TANC2: variants seen among roughly 807,000 people sequenced by gnomAD.
The protein encoded by TANC2 is protein TANC2.
TANC2 carries 26 observed loss-of-function variants against 210.5 expected under a neutral mutation model. That is an observed-to-expected ratio of 0.12 (90% confidence interval 0.09 to 0.17). The LOEUF (loss-of-function observed/expected upper bound fraction) is 0.17. Ranked by LOEUF, TANC2 falls within the 10% of genes least tolerant of loss-of-function variation. The pLI is 1.00. For synonymous variants in TANC2, 931 were observed against 967.1 expected, an observed-to-expected ratio of 0.96 and a Z score of 0.69; for missense variants, 2,129 against 2,608.9, an observed-to-expected ratio of 0.82 and a Z score of 4.01.
At chr17:63,008,855 T>TG (rs940396203) in intron 1 of TANC2, among the ~76,000 whole-genome samples, 7 of 24,522 alleles carry the variant, frequency 2.9e-4, no homozygotes, top group Admixed American at 4.3e-4. Flanking sequence ...TGGTGGGGGG[T>TG]GGGGGGGCGG....
At chr17:63,116,834 A>G (rs1032728276) in intron 4 of TANC2, among the ~76,000 whole-genome samples, 6 of 152,162 alleles carry the variant, frequency 3.9e-5, no homozygotes, top group Non-Finnish European at 5.9e-5. Context: ...TAATTTTAAC[A>G]CTTAATAAAT....
chr17:63,039,139 T>G (rs907954188), intron 2 of TANC2, among the ~76,000 whole-genome samples: 15 of 152,206 alleles, frequency 9.9e-5, no homozygotes, highest in Admixed American at 7.9e-4. Context: ...TGTAAAAAAT[T>G]ACTTTCATAA....
intron 2 of TANC2, among the ~76,000 whole-genome samples, chr17:63,055,590 T>TA (rs1290868312): frequency 6.6e-6 from 1 of 151,930 alleles, no homozygotes; most frequent in African/African-American, 2.4e-5. Flanking sequence ...ATCATGTACA[T>TA]ACATAACTCT....
chr17:63,095,603 G>A (rs887159297), intron 3 of TANC2, among the ~76,000 whole-genome samples: 11 of 152,142 alleles, frequency 7.2e-5, no homozygotes, highest in Admixed American at 4.6e-4. Flanking sequence ...ACACATAGCA[G>A]TGTTCTGAAC....
At chr17:63,043,443 C>A (rs1174737645) in intron 2 of TANC2, among the ~76,000 whole-genome samples, 1 of 152,052 alleles carries the variant, frequency 6.6e-6, no homozygotes, top group Non-Finnish European at 1.5e-5. Flanking sequence ...TTAATTTTCA[C>A]AACCTTGTGG....
At position 63,289,630 on chromosome 17, in the gene TANC2, G is replaced by A. The variant is rs148826202; in HGVS notation, c.1159+21757G>A. On this transcript the variant is annotated intron_variant, in intron 9 of 27. Transcript: ENST00000689528. ...TACTTTATCCATTAGCGCCTTTAAC[G>A]TGTTAATCATAGTTGTTTTAAATTC... Among the ~76,000 whole-genome samples, 619 of 152,090 alleles carry A rather than the reference G, an allele frequency of 4.1e-3. 5 individuals are homozygous for A. Among genetic ancestry groups the A allele is most frequent in the African/African-American group, 0.014 (600 of 41,482 alleles).
At chr17:63,202,992 C>A (rs997008668) in intron 7 of TANC2, among the ~76,000 whole-genome samples, 1 of 152,086 alleles carries the variant, frequency 6.6e-6, no homozygotes, top group Non-Finnish European at 1.5e-5. Context: ...ATTTTACCTG[C>A]GAACACTTAG....
intron 3 of TANC2, among the ~76,000 whole-genome samples, chr17:63,093,969 T>C (rs2037295740): frequency 6.6e-6 from 1 of 152,166 alleles, no homozygotes; most frequent in Non-Finnish European, 1.5e-5. Context: ...TCAGAGTACA[T>C]GGTATGTACT....
chr17:63,411,787 A>C, intron 22 of TANC2, 101 bp downstream of exon 22: 2 of 1,462,512 alleles, frequency 1.4e-6, no homozygotes, highest in Non-Finnish European at 1.8e-6. Flanking sequence ...ATGATTCCTG[A>C]TACAGAGCTC....
intron 11 of TANC2, among the ~76,000 whole-genome samples, chr17:63,320,770 T>C (rs895837313): frequency 4.6e-5 from 7 of 152,204 alleles, no homozygotes; most frequent in African/African-American, 1.7e-4. Flanking sequence ...CTTGAGTCTT[T>C]TTCATTTATT....
intron 4 of TANC2, among the ~76,000 whole-genome samples, chr17:63,111,986 A>G (rs2038067226): frequency 6.6e-6 from 1 of 152,134 alleles, no homozygotes; most frequent in South Asian, 2.1e-4. Context: ...GGCCTTCCAA[A>G]GTGCTGGGGT....
chr17:62,973,925 ATATTC>A lies in TANC2; in HGVS notation c.-24+7177_-24+7181del, dbSNP rs546642870. On this transcript the variant is annotated intron_variant, in intron 1 of 27. Coordinates refer to ENST00000689528, the Ensembl canonical transcript of TANC2. Reference sequence around the variant, plus strand: ...AAGAAAGTTCCATTGGAACTTAGCCATATTCACTTATTTACATATTGGGTATTGGG... The same window carrying A: ...AAGAAAGTTCCATTGGAACTTAGCCAACTTATTTACATATTGGGTATTGGG... Among the ~76,000 whole-genome samples, 44 of 152,356 alleles carry A rather than the reference ATATTC, an allele frequency of 2.9e-4. 1 individual carries two copies. Among genetic ancestry groups the A allele is most frequent in the Admixed American group, 1.5e-3 (23 of 15,310 alleles).
At chr17:63,099,277 T>A in exon 4 of TANC2, 1 of 1,594,750 alleles carries the variant, frequency 6.3e-7, no homozygotes, top group Non-Finnish European at 8.5e-7. Context: ...ATGGAGGGCA[T>A]GTCTCGCTCT....
chr17:63,267,932 C>A, intron 9 of TANC2, 59 bp downstream of exon 9: 1 of 1,542,812 alleles, frequency 6.5e-7, no homozygotes, highest in East Asian at 2.3e-5. Context: ...GGGCAAAAGC[C>A]AAAAAGTTGC....
At chr17:63,158,550 A>AC (rs2039917922) in intron 5 of TANC2, among the ~76,000 whole-genome samples, 1 of 152,102 alleles carries the variant, frequency 6.6e-6, no homozygotes, top group African/African-American at 2.4e-5. Flanking sequence ...GCCATCCTTT[A>AC]CCTCTAAGTC....
rs768395983 is a variant in TANC2 at position 63,421,540 on chromosome 17, C to T, written c.5810C>T (p.Ala1937Val). 1 of 1,614,044 alleles carries T rather than the reference C, an allele frequency of 6.2e-7. No individual in the cohort carries two copies. Among genetic ancestry groups the T allele is most frequent in the Non-Finnish European group, 8.5e-7 (1 of 1,179,900 alleles). Residue 1937 changes from alanine (A) to valine (V), a missense_variant, in exon 28 of 28, where the codon GCA (alanine) becomes GTA (valine). Physicochemically the swap from Ala to Val is moderately conservative, Grantham distance 64. Around this residue, in one of 5 missense-constraint regions of TANC2, gnomAD observed 161 missense variants for 178.6 expected, o/e 0.90. Transcript: ENST00000689528. The surrounding 1 kb of genome is among the most constrained non-coding windows in gnomAD (Gnocchi z 6.9). ...TTCATGGGGATCATAGATAAAACAG[C>T]ACGGACTCAGCAGTACCCCCACCTC...
intron 7 of TANC2, among the ~76,000 whole-genome samples, chr17:63,207,227 T>TG (rs1336876510): frequency 6.9e-6 from 1 of 144,548 alleles, no homozygotes; most frequent in Non-Finnish European, 1.5e-5. Flanking sequence ...TTTTTTTTTT[T>TG]TTTTTTGAGA....
At chr17:63,145,845 T>C (rs992840842) in intron 4 of TANC2, among the ~76,000 whole-genome samples, 1 of 152,148 alleles carries the variant, frequency 6.6e-6, no homozygotes, top group Non-Finnish European at 1.5e-5. Context: ...AATCCAAGTT[T>C]ATTATTTTTT....
chr17:63,368,088 G>C (rs1405372648), intron 14 of TANC2, among the ~76,000 whole-genome samples: 1 of 152,204 alleles, frequency 6.6e-6, no homozygotes, highest in African/African-American at 2.4e-5. Context: ...ATGTGGGAGA[G>C]ATATTTTGGT....
Sources: gnomAD v4.1 joint callset for allele counts (sites outside exome capture counted in the v4.1 genomes callset) on GRCh38, gnomAD v4.1.1 for gene constraint, gnomAD v4.1.1 regional missense constraint, Gnocchi (gnomAD v3.1) non-coding constraint, MANE v1.5 for transcripts, NCBI Gene and HGNC (gene_info 2026-07-23, HGNC 2026-07-21) for gene names.